Variants in NRXN3 observed in about 807,000 individuals in gnomAD.
NRXN3 encodes neurexin 3, also known as neurexin III.
In NRXN3, 32 loss-of-function variants were observed where a neutral mutation model predicts 137.6. That is an observed-to-expected ratio of 0.23 (90% CI 0.18 to 0.31). The LOEUF is 0.31. Among genes scored for constraint, NRXN3 ranks in the 10% least tolerant of loss-of-function variants. NRXN3 has a pLI of 1.00. For synonymous variants in NRXN3, 798 were observed against 784.5 expected (o/e 1.02, Z -0.29); for missense variants, 1,574 against 2,062.5 (o/e 0.76, Z 4.59).
chr14:78,410,612 G>A (rs2092770123), intron 4 of NRXN3, among the ~76,000 whole-genome samples: 1 of 152,156 alleles, frequency 6.6e-6, no homozygotes, highest in Non-Finnish European at 1.5e-5. Flanking sequence ...GGAGATACGT[G>A]GGTGGGAGGA....
intron 16 of NRXN3, among the ~76,000 whole-genome samples, chr14:79,658,898 G>A (rs148654284): frequency 1.7e-4 from 26 of 152,222 alleles, no homozygotes; most frequent in African/African-American, 5.1e-4. Context: ...CTAAAATAGC[G>A]GATGATGCAT....
chr14:79,279,236 C>T (rs919964469), intron 15 of NRXN3: 4 of 506,970 alleles, frequency 7.9e-6, no homozygotes, highest in Non-Finnish European at 1.0e-5. Flanking sequence ...TGGGAAGGGC[C>T]GGGATTCCGG....
At chr14:78,853,560 A>G (rs1596510945) in intron 10 of NRXN3, among the ~76,000 whole-genome samples, 1 of 152,136 alleles carries the variant, frequency 6.6e-6, no homozygotes. Context: ...TAAGTTAAAA[A>G]TTTTATTACT....
chr14:79,551,750 G>A lies in NRXN3; in HGVS notation c.3444+84348G>A, dbSNP rs982209047. ...GAGGGGAGGGGAATAGTACACCCTG[G>A]GAAGTACAGGGAGCAGGTAAGTTGT... On this transcript the variant is annotated intron_variant, in intron 16 of 20. Transcript: ENST00000335750. 3.3e-5 allele frequency among the ~76,000 whole-genome samples: 5 copies of A among 152,186 alleles called. No individual in the cohort carries two copies. The East Asian group carries it at 9.6e-4, about 29-fold the overall frequency.
chr14:79,470,055 T>C (rs938486443), intron 16 of NRXN3, among the ~76,000 whole-genome samples: 1 of 152,168 alleles, frequency 6.6e-6, no homozygotes, highest in African/African-American at 2.4e-5. Flanking sequence ...GTTTGTTGAA[T>C]GGTTTGTTTT....
chr14:78,927,904 G>A (rs150771), intron 10 of NRXN3, among the ~76,000 whole-genome samples: 149,459 of 152,236 alleles, frequency 0.98, 73,377 homozygotes, highest in East Asian at 1. Context: ...TTGCAAATGA[G>A]TGCCTGCCTG....
intron 15 of NRXN3, among the ~76,000 whole-genome samples, chr14:79,182,596 A>G (rs2063061789): frequency 6.6e-6 from 1 of 152,142 alleles, no homozygotes; most frequent in Non-Finnish European, 1.5e-5. Flanking sequence ...GGCTGTAAAT[A>G]CAGATGAAGC....
At chr14:79,138,681 C>A (rs1187830170) in intron 15 of NRXN3, among the ~76,000 whole-genome samples, 1 of 152,188 alleles carries the variant, frequency 6.6e-6, no homozygotes, top group Non-Finnish European at 1.5e-5. Context: ...TTGTTAAAAT[C>A]ACTAGGGAAC....
chr14:78,268,836 G>A (rs1345901599), intron 2 of NRXN3, among the ~76,000 whole-genome samples: 1 of 152,006 alleles, frequency 6.6e-6, no homozygotes, highest in East Asian at 1.9e-4. Context: ...TCAGTAAATG[G>A]CAGGGATTAT....
intron 8 of NRXN3, among the ~76,000 whole-genome samples, chr14:78,756,820 T>G (rs1474709054): frequency 6.6e-6 from 1 of 152,222 alleles, no homozygotes; most frequent in Non-Finnish European, 1.5e-5. Flanking sequence ...ATAGACTGAT[T>G]AAAATCTTAT....
At chr14:79,279,421 G>GGCGC (rs1351604816) in intron 15 of NRXN3, 1 of 986,028 alleles carries the variant, frequency 1.0e-6, no homozygotes, top group Non-Finnish European at 1.2e-6. Context: ...GCACTTCGCA[G>GGCGC]GCGCCCGCCC....
intron 15 of NRXN3, among the ~76,000 whole-genome samples, chr14:79,025,938 C>A (rs962163923): frequency 1.3e-5 from 2 of 152,082 alleles, no homozygotes; most frequent in African/African-American, 4.8e-5. Context: ...CAGTTTGTTG[C>A]CTCTTAGTCA....
chr14:78,742,379 A>C (rs1206028503), intron 8 of NRXN3, among the ~76,000 whole-genome samples: 1 of 152,214 alleles, frequency 6.6e-6, no homozygotes, highest in Non-Finnish European at 1.5e-5. Context: ...TTAAGCCCTA[A>C]ATAATAATAA....
At chr14:78,227,071 C>G (rs1202337794) in intron 1 of NRXN3, among the ~76,000 whole-genome samples, 1 of 152,152 alleles carries the variant, frequency 6.6e-6, no homozygotes, top group Non-Finnish European at 1.5e-5. Flanking sequence ...TTCTGAAGCT[C>G]CCTCTGGGCT....
chr14:78,709,887 C>T, intron 7 of NRXN3: 1 of 521,906 alleles, frequency 1.9e-6, no homozygotes. Context: ...TCAGTGATAG[C>T]TCTACGATCC....
intron 15 of NRXN3, among the ~76,000 whole-genome samples, chr14:79,311,662 G>C (rs2087329071): frequency 1.7e-5 from 2 of 120,438 alleles, no homozygotes; most frequent in South Asian, 6.7e-4. Flanking sequence ...TTTAGTCTTG[G>C]GAGAGTGTAT....
rs1269118724 is a variant in NRXN3, at chr14:79,489,133, T to C, written c.3444+21731T>C. Reference sequence around the variant, plus strand: ...ATAATGAAAGAGAATGCATCAAATATATAGGATTGTTAAATAACAATGTCC... The same window carrying C: ...ATAATGAAAGAGAATGCATCAAATACATAGGATTGTTAAATAACAATGTCC... On this transcript the variant is annotated intron_variant, in intron 16 of 20. Coordinates refer to ENST00000335750, the MANE Select transcript of NRXN3 (RefSeq NM_001330195.2). Among the ~76,000 whole-genome samples the C allele has an allele frequency of 2.0e-5, 3 of 152,220 alleles. No individual in the cohort carries two copies. In the East Asian group the frequency reaches 5.8e-4, roughly 29 times the overall value.
At chr14:78,434,535 G>A (rs1003856186) in intron 4 of NRXN3, among the ~76,000 whole-genome samples, 2 of 152,156 alleles carry the variant, frequency 1.3e-5, no homozygotes, top group Non-Finnish European at 2.9e-5. Flanking sequence ...TTAGGGGGAT[G>A]CAATTAAACT....
intron 4 of NRXN3, chr14:78,403,620 C>A: frequency 1.5e-6 from 1 of 661,966 alleles, no homozygotes; most frequent in Non-Finnish European, 1.9e-6. Context: ...TTCTAATTGC[C>A]GGTGCTGCAC....
Sources: allele counts gnomAD v4.1 joint callset (sites outside exome capture counted in the v4.1 genomes callset), GRCh38; gene constraint gnomAD v4.1.1; transcripts MANE v1.5; gene names NCBI Gene and HGNC (gene_info 2026-07-23, HGNC 2026-07-21).